The following ZNF385B variants were observed in gnomAD, a reference collection of about 807,000 sequenced individuals.
ZNF385B encodes the protein zinc finger protein 385B.
Under a neutral mutation model 39.2 loss-of-function variants are expected in ZNF385B, and 23 were observed. The observed-to-expected ratio is 0.59, with a 90% confidence interval of 0.42 to 0.83. The LOEUF is 0.83. Among genes scored for constraint, ZNF385B ranks in the 40% least tolerant of loss-of-function variants. The pLI, the probability that ZNF385B is intolerant of heterozygous loss-of-function variation, is 0.00. For missense variants in ZNF385B, 552 were observed against 598.9 expected (o/e 0.92, Z 0.82); for synonymous variants, 205 against 222.6 (o/e 0.92, Z 0.70).
At chr2:179,668,122 G>T (rs1006005319) in intron 3 of ZNF385B, among the ~76,000 whole-genome samples, 1 of 152,096 alleles carries the variant, frequency 6.6e-6, no homozygotes, top group Non-Finnish European at 1.5e-5. Flanking sequence ...AAGTCAATTT[G>T]GAGTACTGGT....
chr2:179,776,255 G>A, intron 1 of ZNF385B, among the ~76,000 whole-genome samples: 1 of 152,174 alleles, frequency 6.6e-6, no homozygotes, highest in Non-Finnish European at 1.5e-5. Context: ...AGATTGACAG[G>A]GGGCAGGAAA....
intron 3 of ZNF385B, among the ~76,000 whole-genome samples, chr2:179,666,103 T>C (rs1199290382): frequency 1.3e-5 from 2 of 152,220 alleles, no homozygotes; most frequent in East Asian, 1.9e-4. Context: ...AATGTTAAGA[T>C]ACATCTAATG....
At chr2:179,835,041 C>A (rs913034133) in intron 1 of ZNF385B, among the ~76,000 whole-genome samples, 1 of 151,990 alleles carries the variant, frequency 6.6e-6, no homozygotes, top group Non-Finnish European at 1.5e-5. Flanking sequence ...AGAAATAGGA[C>A]AACAGAAAAA....
At chr2:179,468,815 C>G (rs2052407388) in intron 6 of ZNF385B, among the ~76,000 whole-genome samples, 1 of 151,840 alleles carries the variant, frequency 6.6e-6, no homozygotes, top group South Asian at 2.1e-4. Flanking sequence ...AGCTTTTTGC[C>G]TCAGGCTGCT....
chr2:179,545,819 G>A (rs2060196777), intron 3 of ZNF385B, among the ~76,000 whole-genome samples: 1 of 151,766 alleles, frequency 6.6e-6, no homozygotes, highest in South Asian at 2.1e-4. Context: ...TTTCATACAG[G>A]CACACAATGC....
chr2:179,727,766 T>A (rs1365899019), intron 3 of ZNF385B, among the ~76,000 whole-genome samples: 2 of 152,068 alleles, frequency 1.3e-5, no homozygotes, highest in Non-Finnish European at 2.9e-5. Context: ...ATTTAAGACA[T>A]ATGGAGTGCA....
At chr2:179,761,931 C>A (rs1053039850) in intron 3 of ZNF385B, among the ~76,000 whole-genome samples, 4 of 151,720 alleles carry the variant, frequency 2.6e-5, no homozygotes, top group Non-Finnish European at 4.4e-5. Flanking sequence ...GAACTTCCAG[C>A]ACCATTTTGA....
intron 3 of ZNF385B, among the ~76,000 whole-genome samples, chr2:179,661,609 T>C (rs910551243): frequency 1.3e-5 from 2 of 152,242 alleles, no homozygotes; most frequent in African/African-American, 4.8e-5. Flanking sequence ...ACCATTGCTC[T>C]ACCTTATTAG....
In ZNF385B at chr2:179,550,195, C is replaced by A. The variant is rs143901026; in HGVS notation, c.299-5226G>T. On this transcript the variant is annotated intron_variant, in intron 3 of 9. Coordinates refer to ENST00000410066, the MANE Select transcript of ZNF385B (RefSeq NM_152520.6). ...AGGTATAGACTAATTGTACTTAAAG[C>A]TGAATGATAAACAAATGTGTAATTA... Among the ~76,000 whole-genome samples, 1,019 of 149,504 alleles carry A rather than the reference C, an allele frequency of 6.8e-3. 118 individuals carry two copies. Among genetic ancestry groups the A allele is most frequent in the African/African-American group, 0.024 (955 of 39,754 alleles).
chr2:179,747,280 C>T lies in ZNF385B; in HGVS notation c.298+22223G>A, dbSNP rs1435389438. 1.3e-5 allele frequency among the ~76,000 whole-genome samples: 2 copies of T among 152,140 alleles called. 1 individual carries two copies. The highest frequency in any genetic ancestry group is 2.9e-5 in the Non-Finnish European group (2 of 68,012). On this transcript the variant is annotated intron_variant, in intron 3 of 9. Transcript: ENST00000410066. ...TATGTCCCCATATGGAAAGTTGACT[C>T]CTTACGGGCTGCTGGTTAGATGCCC...
chr2:179,585,775 G>A (rs920331557), intron 3 of ZNF385B: 6 of 152,110 alleles, frequency 3.9e-5, no homozygotes, highest in Non-Finnish European at 5.9e-5. Flanking sequence ...ACATCTTATA[G>A]TTCTGTTCCT....
At chr2:179,745,993 C>A in intron 3 of ZNF385B, 1 of 1,178,124 alleles carries the variant, frequency 8.5e-7, no homozygotes, top group East Asian at 3.8e-5. Context: ...GTAAAGAAAG[C>A]AGAGCAATTT....
intron 3 of ZNF385B, among the ~76,000 whole-genome samples, chr2:179,715,783 T>G (rs1700293758): frequency 6.6e-6 from 1 of 152,100 alleles, no homozygotes; most frequent in African/African-American, 2.4e-5. Flanking sequence ...TAAATAAATA[T>G]TAAGTTTTAC....
chr2:179,644,226 T>C (rs1692517104), intron 3 of ZNF385B, among the ~76,000 whole-genome samples: 1 of 152,184 alleles, frequency 6.6e-6, no homozygotes, highest in East Asian at 1.9e-4. Flanking sequence ...AAGCTCGCTT[T>C]GTTAGTGCCA....
At chr2:179,512,959 G>A (rs1450075672) in intron 5 of ZNF385B, among the ~76,000 whole-genome samples, 8 of 152,138 alleles carry the variant, frequency 5.3e-5, no homozygotes, top group African/African-American at 1.7e-4. Flanking sequence ...GCTAGACAAA[G>A]GGGGGTACAG....
In ZNF385B at chr2:179,599,917, C is replaced by T. The variant is rs373428264; in HGVS notation, c.299-54948G>A. ...ACCCTTCCCCCATCCTATTGGGCTA[C>T]GAGGCAAAGCTGCTGGCTCTGGGCT... On this transcript the variant is annotated intron_variant, in intron 3 of 9. Coordinates refer to ENST00000410066, the MANE Select transcript of ZNF385B (RefSeq NM_152520.6). Among the ~76,000 whole-genome samples, 184 of 152,302 alleles carry T rather than the reference C, an allele frequency of 1.2e-3. 7 individuals carry two copies. In the South Asian group the frequency reaches 0.036, roughly 30 times the overall value.
intron 4 of ZNF385B, among the ~76,000 whole-genome samples, chr2:179,519,784 G>C (rs1465793982): frequency 6.6e-6 from 1 of 152,190 alleles, no homozygotes; most frequent in African/African-American, 2.4e-5. Flanking sequence ...ATCTCCTGAG[G>C]TTAGAGATTA....
chr2:179,631,748 C>A (rs1016386863), intron 3 of ZNF385B, among the ~76,000 whole-genome samples: 1 of 152,056 alleles, frequency 6.6e-6, no homozygotes, highest in East Asian at 1.9e-4. Context: ...AGTCAAGACC[C>A]ATCGGTGTGC....
chr2:179,749,270 T>G (rs1193922894), intron 3 of ZNF385B, among the ~76,000 whole-genome samples: 4 of 152,116 alleles, frequency 2.6e-5, no homozygotes, highest in Non-Finnish European at 2.9e-5. Context: ...TGGATTGCAG[T>G]GCAGGCTCAC....
Sources: allele counts gnomAD v4.1 joint callset (sites outside exome capture counted in the v4.1 genomes callset), GRCh38; gene constraint gnomAD v4.1.1; transcripts MANE v1.5; gene names NCBI Gene and HGNC (gene_info 2026-07-23, HGNC 2026-07-21).